FOLR2: variants seen among roughly 807,000 people sequenced by gnomAD.
The protein encoded by FOLR2 is folate receptor 2 (fetal).
A neutral mutation model predicts 20.4 loss-of-function variants in FOLR2; 14 were observed. That is an observed-to-expected ratio of 0.68 (90% CI 0.45 to 1.07). FOLR2 has a LOEUF of 1.07. Ranked by LOEUF, FOLR2 falls within the 50% of genes least tolerant of loss-of-function variation. The pLI is 0.00. For synonymous variants in FOLR2, 114 were observed against 114.3 expected, an observed-to-expected ratio of 1.00 and a Z score of 0.02; for missense variants, 269 against 322.6, an observed-to-expected ratio of 0.83 and a Z score of 1.27.
Position 72,221,069 on chromosome 11 carries a change from T to TGGGGCCCCCCCCCCCCCCCCC in FOLR2, c.339+11_339+12insGGGGCCCCCCCCCCCCCCCCC. The TGGGGCCCCCCCCCCCCCCCCC allele has an allele frequency of 1.4e-6, 1 of 717,296 alleles. No homozygotes were observed. The highest frequency in any genetic ancestry group is 2.2e-6 in the Non-Finnish European group (1 of 458,076). 44.4% of individuals were successfully genotyped at this position (717,296 alleles called of 1,614,324 possible). ...CCCTGGATCCAGCAGGTAGGGTGTC[T>TGGGGCCCCCCCCCCCCCCCCC]CCCCCCCACCCACCCCAGCAGACTG... On this transcript the variant is annotated intron_variant, in intron 3 of 4. Transcript: ENST00000298223.
At chr11:72,218,114 C>A (rs753463673) in intron 1 of FOLR2, among the ~76,000 whole-genome samples, 17 of 152,306 alleles carry the variant, frequency 1.1e-4, no homozygotes, top group Non-Finnish European at 2.4e-4. Flanking sequence ...ACTGCCTTCC[C>A]CAAGGCTAAC....
chr11:72,217,795 C>T (rs1948416215), intron 1 of FOLR2, among the ~76,000 whole-genome samples: 1 of 152,144 alleles, frequency 6.6e-6, no homozygotes, highest in Non-Finnish European at 1.5e-5. Context: ...GAGCAGTGTA[C>T]ACTGTACTCA....
chr11:72,218,446 A>C, intron 1 of FOLR2, 115 bp from the exon 2 acceptor site: 1 of 884,120 alleles, frequency 1.1e-6, no homozygotes, highest in Admixed American at 2.4e-5. Context: ...CCCAGCATTG[A>C]AGGAACAGGG....
rs143308196 is a variant in FOLR2, at chr11:72,221,233, T to C, written c.397T>C (p.Cys133Arg). 162 of 1,613,678 alleles carry C rather than the reference T, an allele frequency of 1.0e-4. No homozygotes were observed. Among genetic ancestry groups the C allele is most frequent in the Non-Finnish European group, 1.3e-4 (154 of 1,179,822 alleles). ...FLDVPLCKED[C>R]QRWWEDCHTS... Reference sequence around the variant, plus strand: ...GGATGTGCCCTTATGCAAAGAGGACTGTCAGCGCTGGTGGGAGGATTGTCA... The same window carrying C: ...GGATGTGCCCTTATGCAAAGAGGACCGTCAGCGCTGGTGGGAGGATTGTCA... The change falls in exon 4 of 5, where the codon TGT (cysteine) becomes CGT (arginine). Residue 133 changes from cysteine to arginine, a missense_variant. By Grantham distance (180) the Cys-to-Arg change is radical. Transcript: ENST00000298223.
rs914451559 is a variant in FOLR2, at chr11:72,218,709, G to A, written c.125G>A (p.Gly42Asp). 1.2e-6 allele frequency: 2 copies of A among 1,612,192 alleles called. No individual in the cohort carries two copies. Among genetic ancestry groups the A allele is most frequent in the Non-Finnish European group, 1.7e-6 (2 of 1,179,120 alleles). ...MDAKHHKTKP[G>D]PEDKLHDQCS... ...GCCAAGCACCACAAGACAAAGCCAG[G>A]TCCTGAGGACAAGCTGCATGACCAA... The change falls in exon 2 of 5, where the codon GGT becomes GAT. Residue 42 changes from glycine to aspartate, a missense_variant. Gly to Asp is a moderately conservative substitution (Grantham distance 94). Coordinates refer to ENST00000298223, the MANE Select transcript of FOLR2 (RefSeq NM_000803.5).
rs755949946 is a variant in FOLR2 at position 72,221,642 on chromosome 11, C to T, written c.648C>T (p.Asn216=). 6.8e-6 allele frequency: 11 copies of T among 1,614,190 alleles called. No homozygotes were observed. Among genetic ancestry groups the T allele is most frequent in the Admixed American group, 1.7e-5 (1 of 60,026 alleles). ...MWFDSAQGNP[N]EEVARFYAAA... is the part of the protein sequence containing the mutation. ...TTGATTCAGCCCAGGGCAACCCCAA[C>T]GAGGAAGTGGCGAGGTTCTATGCTG... Residue 216 remains asparagine, a synonymous_variant, in exon 5 of 5, where the codon AAC becomes AAT. Coordinates refer to ENST00000298223, the MANE Select transcript of FOLR2 (RefSeq NM_000803.5).
chr11:72,217,004 CT>C (rs2135399104), intron 1 of FOLR2, 79 bp downstream of exon 1: 2 of 1,377,034 alleles, frequency 1.5e-6, no homozygotes, highest in African/African-American at 1.5e-5. Flanking sequence ...AGGAACACAC[CT>C]TTCTTTCTGT....
Position 72,221,495 on chromosome 11 carries a change from T to C in FOLR2, c.501T>C (p.Ala167=). ...TSGVNKCPAG[A]LCRTFESYFP... ...GAGTTAACAAGTGCCCAGCTGGGGC[T>C]CTCTGCCGCACCTTTGAGTCCTACT... is the stretch of plus-strand genomic sequence containing the variant. Residue 167 remains alanine, a synonymous_variant, in exon 5 of 5, where the codon GCT becomes GCC. Transcript: ENST00000298223. 4 of 1,613,890 alleles carry C rather than the reference T, an allele frequency of 2.5e-6. No homozygotes were observed. The highest frequency in any genetic ancestry group is 3.4e-6 in the Non-Finnish European group (4 of 1,179,866).
intron 1 of FOLR2, among the ~76,000 whole-genome samples, chr11:72,217,811 T>C (rs1948416532): frequency 1.3e-5 from 2 of 152,176 alleles, no homozygotes; most frequent in African/African-American, 2.4e-5. Context: ...ACTCAGTATA[T>C]AGTCTTTTAT....
chr11:72,221,067 T>TCGGGGGGGGGGGGGGCCC lies in FOLR2; in HGVS notation c.339+10_339+11insGGGGGGGGGGGGGGCCCC. 9.6e-6 allele frequency: 15 copies of TCGGGGGGGGGGGGGGCCC among 1,569,826 alleles called. No homozygotes were observed. The highest frequency in any genetic ancestry group is 2.3e-5 in the South Asian group (2 of 87,002). On this transcript the variant is annotated intron_variant, in intron 3 of 4. Coordinates refer to ENST00000298223, the MANE Select transcript of FOLR2 (RefSeq NM_000803.5). Reference sequence around the variant, plus strand: ...GGCCCTGGATCCAGCAGGTAGGGTGTCTCCCCCCCACCCACCCCAGCAGAC... The same window carrying TCGGGGGGGGGGGGGGCCC: ...GGCCCTGGATCCAGCAGGTAGGGTGTCGGGGGGGGGGGGGGCCCCTCCCCCCCACCCACCCCAGCAGAC...
intron 1 of FOLR2, chr11:72,217,275 G>A (rs1372840010): frequency 3.5e-6 from 3 of 855,142 alleles, no homozygotes; most frequent in East Asian, 5.9e-5. Flanking sequence ...CACCCACCTC[G>A]GCCTCCCAAA....
In FOLR2 at chr11:72,221,503, G is replaced by A. The variant is rs150788760; in HGVS notation, c.509G>A (p.Arg170His). Residue 170 changes from arginine to histidine, a missense_variant, in exon 5 of 5, where the codon CGC (arginine) becomes CAC (histidine). Physicochemically the swap from Arg to His is conservative, Grantham distance 29. Transcript: ENST00000298223. ...AAGTGCCCAGCTGGGGCTCTCTGCC[G>A]CACCTTTGAGTCCTACTTCCCCACT... ...VNKCPAGALC[R>H]TFESYFPTPA... 174 of 1,613,892 alleles carry A rather than the reference G, an allele frequency of 1.1e-4. 1 individual carries two copies. In the African/African-American group the frequency reaches 1.8e-3, roughly 16 times the overall value.
intron 1 of FOLR2, among the ~76,000 whole-genome samples, chr11:72,218,296 C>T (rs539648591): frequency 2.6e-5 from 4 of 152,190 alleles, no homozygotes; most frequent in Non-Finnish European, 4.4e-5. Context: ...AAGGTGAGGG[C>T]GCAAAGTATC....
Position 72,221,067 on chromosome 11 carries a change from T to TCGGGGGGGGGCGGGCCCCCCCCC in FOLR2, c.339+10_339+11insGGGGGGGGGCGGGCCCCCCCCCC. 1 of 1,570,120 alleles carries TCGGGGGGGGGCGGGCCCCCCCCC rather than the reference T, an allele frequency of 6.4e-7. No homozygotes were observed. Among genetic ancestry groups the TCGGGGGGGGGCGGGCCCCCCCCC allele is most frequent in the South Asian group, 1.1e-5 (1 of 87,006 alleles). ...GGCCCTGGATCCAGCAGGTAGGGTG[T>TCGGGGGGGGGCGGGCCCCCCCCC]CTCCCCCCCACCCACCCCAGCAGAC... On this transcript the variant is annotated intron_variant, in intron 3 of 4. Transcript: ENST00000298223.
intron 1 of FOLR2, among the ~76,000 whole-genome samples, chr11:72,217,801 A>G (rs1948416347): frequency 6.6e-6 from 1 of 152,038 alleles, no homozygotes. Context: ...TGTACACTGT[A>G]CTCAGTATAT....
At chr11:72,218,959 G>A (rs1948439718) in intron 2 of FOLR2, among the ~76,000 whole-genome samples, 1 of 152,206 alleles carries the variant, frequency 6.6e-6, no homozygotes, top group Admixed American at 6.5e-5. Flanking sequence ...TCATTCGATG[G>A]GCACCTGTCA....
chr11:72,220,656 C>T (rs1404368805), intron 2 of FOLR2, among the ~76,000 whole-genome samples: 1 of 152,200 alleles, frequency 6.6e-6, no homozygotes, highest in African/African-American at 2.4e-5. Context: ...CCCCTGGGCT[C>T]CCACAGTCCC....
In FOLR2 at chr11:72,221,450, C is replaced by T. The variant is rs375257455; in HGVS notation, c.476-20C>T. 4 of 1,609,934 alleles carry T rather than the reference C, an allele frequency of 2.5e-6. No individual in the cohort carries two copies. Among genetic ancestry groups the T allele is most frequent in the Non-Finnish European group, 3.4e-6 (4 of 1,177,206 alleles). Reference sequence around the variant, plus strand: ...GGCCCAGGGGCTGAAAGTCTGTGTCCACCATGCCTCTCCCTGCAGGAGTTA... The same window carrying T: ...GGCCCAGGGGCTGAAAGTCTGTGTCTACCATGCCTCTCCCTGCAGGAGTTA... On this transcript the variant is annotated intron_variant, in intron 4 of 4. Transcript: ENST00000298223.
At chr11:72,218,395 T>C in intron 1 of FOLR2, 166 bp from the exon 2 acceptor site, 1 of 608,580 alleles carries the variant, frequency 1.6e-6, no homozygotes, top group Non-Finnish European at 2.9e-6. Flanking sequence ...GGAGCCCTCC[T>C]GGTCAACCCT....
Sources: gnomAD v4.1 joint callset for allele counts (sites outside exome capture counted in the v4.1 genomes callset) on GRCh38, gnomAD v4.1.1 for gene constraint, MANE v1.5 for transcripts, NCBI Gene and HGNC (gene_info 2026-07-23, HGNC 2026-07-21) for gene names.